GNA14: variants seen among roughly 807,000 people sequenced by gnomAD.
The protein encoded by GNA14 is guanine nucleotide-binding protein subunit alpha-14.
A neutral mutation model predicts 42.0 loss-of-function variants in GNA14; 50 were observed. The ratio of observed to expected loss-of-function variants is 1.19; its 90% CI spans 0.95 to 1.51. GNA14 has a LOEUF of 1.51. GNA14 is among the 40% of genes most tolerant of loss of function. The pLI, the probability that GNA14 is intolerant of heterozygous loss-of-function variation, is 0.00. For synonymous variants in GNA14, 173 were observed against 163.1 expected (o/e 1.06, Z -0.46); for missense variants, 473 against 446.2 (o/e 1.06, Z -0.54).
chr9:77,566,145 CTTTTTTTTTTTT>C (rs956489720), intron 1 of GNA14, among the ~76,000 whole-genome samples: 1 of 102,510 alleles, frequency 9.8e-6, no homozygotes, highest in Non-Finnish European at 1.9e-5. Flanking sequence ...GGGAGTGCTT[CTTTTTTTTTTTT>C]TTTTTTTTTT....
At chr9:77,563,665 T>C (rs78246283) in intron 1 of GNA14, among the ~76,000 whole-genome samples, 1 of 152,116 alleles carries the variant, frequency 6.6e-6, no homozygotes, top group Non-Finnish European at 1.5e-5. Context: ...TGGGCTGCTG[T>C]TTTTTTAAAC....
chr9:77,436,862 T>G (rs1007033020), intron 2 of GNA14, among the ~76,000 whole-genome samples: 1 of 152,196 alleles, frequency 6.6e-6, no homozygotes, highest in Non-Finnish European at 1.5e-5. Context: ...AAAATCCACC[T>G]ACCTAACAAG....
At chr9:77,612,975 T>C (rs924393849) in intron 1 of GNA14, among the ~76,000 whole-genome samples, 4 of 152,176 alleles carry the variant, frequency 2.6e-5, no homozygotes, top group African/African-American at 4.8e-5. Context: ...TAAATGTCCA[T>C]TGACAGATGA....
intron 2 of GNA14, among the ~76,000 whole-genome samples, chr9:77,525,001 A>G (rs952097511): frequency 2.6e-5 from 4 of 152,212 alleles, no homozygotes; most frequent in Non-Finnish European, 4.4e-5. Context: ...AAGTACACCA[A>G]CTGATTAAAT....
At chr9:77,637,729 C>T (rs1455125919) in intron 1 of GNA14, among the ~76,000 whole-genome samples, 2 of 152,128 alleles carry the variant, frequency 1.3e-5, no homozygotes, top group Non-Finnish European at 2.9e-5. Flanking sequence ...GGTAGCATGC[C>T]TGTAGTCCCA....
chr9:77,458,591 C>G (rs1587773252), intron 2 of GNA14, among the ~76,000 whole-genome samples: 1 of 152,094 alleles, frequency 6.6e-6, no homozygotes, highest in African/African-American at 2.4e-5. Context: ...ACAACAAACG[C>G]TTTTTTAGTA....
At chr9:77,562,134 C>G (rs1822892423) in intron 1 of GNA14, among the ~76,000 whole-genome samples, 1 of 152,146 alleles carries the variant, frequency 6.6e-6, no homozygotes, top group Non-Finnish European at 1.5e-5. Context: ...CCTTTGTACT[C>G]GAGGCCTGAA....
intron 1 of GNA14, among the ~76,000 whole-genome samples, chr9:77,642,639 G>A (rs1824286179): frequency 6.6e-6 from 1 of 151,976 alleles, no homozygotes. Context: ...CGTGGTAGTG[G>A]ATGCCTGTAA....
intron 1 of GNA14, among the ~76,000 whole-genome samples, chr9:77,633,319 AGT>A (rs1824128346): frequency 6.6e-6 from 1 of 152,118 alleles, no homozygotes. Flanking sequence ...AGCAGAAAAG[AGT>A]GTTGTAGGCA....
chr9:77,440,146 C>G (rs754829716), intron 2 of GNA14, among the ~76,000 whole-genome samples: 12 of 152,238 alleles, frequency 7.9e-5, no homozygotes, highest in Non-Finnish European at 1.8e-4. Flanking sequence ...TCTCTTTTTC[C>G]TTTCTCAAAC....
chr9:77,586,337 G>A (rs1823301453), intron 1 of GNA14, among the ~76,000 whole-genome samples: 1 of 151,752 alleles, frequency 6.6e-6, no homozygotes, highest in Non-Finnish European at 1.5e-5. Context: ...TTTTAAAAAA[G>A]GTCAAAAAAT....
At chr9:77,568,680 G>A (rs73651542) in intron 1 of GNA14, among the ~76,000 whole-genome samples, 1 of 152,272 alleles carries the variant, frequency 6.6e-6, no homozygotes, top group African/African-American at 2.4e-5. Context: ...GAGGAGGAAA[G>A]GCTGACTGGG....
chr9:77,593,940 C>G (rs1276927391), intron 1 of GNA14, among the ~76,000 whole-genome samples: 1 of 152,174 alleles, frequency 6.6e-6, no homozygotes, highest in Non-Finnish European at 1.5e-5. Context: ...ACTGGAGCTG[C>G]CTTATATTGT....
At chr9:77,633,648 G>A (rs1404485318) in intron 1 of GNA14, among the ~76,000 whole-genome samples, 2 of 152,178 alleles carry the variant, frequency 1.3e-5, no homozygotes, top group African/African-American at 2.4e-5. Flanking sequence ...TGGCAGAGAG[G>A]ATGGCAAGAA....
intron 1 of GNA14, among the ~76,000 whole-genome samples, chr9:77,626,394 A>AC (rs1365408291): frequency 6.6e-6 from 1 of 152,210 alleles, no homozygotes; most frequent in East Asian, 1.9e-4. Flanking sequence ...GACCTAATAG[A>AC]CATCTACAGA....
At chr9:77,517,585 C>CTTTTTTT (rs1564039528) in intron 2 of GNA14, 2 of 48,810 alleles carry the variant, frequency 4.1e-5, no homozygotes, top group African/African-American at 1.6e-4. Context: ...TATCCTGGTA[C>CTTTTTTT]TTTTCTTTTT....
chr9:77,511,983 T>C (rs138717589), intron 2 of GNA14, among the ~76,000 whole-genome samples: 1,701 of 152,288 alleles, frequency 0.011, 29 homozygotes, highest in African/African-American at 0.038. Flanking sequence ...ATGGGCTCCG[T>C]ATTGGCTGCC....
At chr9:77,563,645 T>C (rs528327139) in intron 1 of GNA14, among the ~76,000 whole-genome samples, 3 of 152,224 alleles carry the variant, frequency 2.0e-5, no homozygotes, top group Admixed American at 6.5e-5. Context: ...AACATAGAAA[T>C]AGGAGAAACT....
intron 2 of GNA14, among the ~76,000 whole-genome samples, chr9:77,519,523 C>T (rs1837317060): frequency 6.6e-6 from 1 of 152,174 alleles, no homozygotes; most frequent in South Asian, 2.1e-4. Flanking sequence ...TTCCCTACCA[C>T]CAATTTTTTT....
Sources: allele counts gnomAD v4.1 joint callset (sites outside exome capture counted in the v4.1 genomes callset), GRCh38; gene constraint gnomAD v4.1.1; transcripts MANE v1.5; gene names NCBI Gene and HGNC (gene_info 2026-07-23, HGNC 2026-07-21).